MEX3B: variants seen among roughly 807,000 people sequenced by gnomAD.
MEX3B encodes RNA-binding protein MEX3B.
In MEX3B, 10 loss-of-function variants were observed where a neutral mutation model predicts 12.2. The observed-to-expected ratio is 0.82, with a 90% CI of 0.51 to 1.40. MEX3B has a LOEUF of 1.40. Among genes scored for constraint, MEX3B ranks in the 40% most tolerant of loss-of-function variants. The probability of loss-of-function intolerance (pLI) is 0.00; values close to 1 mark genes in which losing one functional copy is unlikely to be tolerated. For synonymous variants in MEX3B, 498 were observed against 356.3 expected (o/e 1.40, Z -4.48); for missense variants, 839 against 801.4 (o/e 1.05, Z -0.57).
rs1021269124 is a variant in MEX3B, at chr15:82,043,060, A to AG, written c.*99dup. On this transcript the variant is annotated 3_prime_UTR_variant, in exon 2 of 2. Transcript: ENST00000329713. Reference sequence around the variant, plus strand: ...GGTGGGGCCGGGAAGGAGAAGGGAGAGGGGGGGCACCCAGGGAGGCAGGCG... The same window carrying AG: ...GGTGGGGCCGGGAAGGAGAAGGGAGAGGGGGGGGCACCCAGGGAGGCAGGCG... The AG allele has an allele frequency of 3.4e-5, 37 of 1,076,340 alleles. No homozygotes were observed. Among genetic ancestry groups the AG allele is most frequent in the South Asian group, 7.6e-5 (3 of 39,316 alleles). The allele number at this position is 1,076,340 out of a possible 1,614,324, so 66.7% of individuals were successfully genotyped here.
At chr15:82,045,146 C>T (rs1342891520) in intron 1 of MEX3B, 5 of 608,072 alleles carry the variant, frequency 8.2e-6, no homozygotes, top group South Asian at 1.9e-5. Flanking sequence ...TGATCAAAGG[C>T]CCCCTCCCCC....
rs1311745009 is a variant in MEX3B, at chr15:82,042,950, T to C, written c.*210A>G. 1 of 420,252 alleles carries C rather than the reference T, an allele frequency of 2.4e-6. No homozygotes were observed. Among genetic ancestry groups the C allele is most frequent in the African/African-American group, 2.0e-5 (1 of 48,976 alleles). 26.0% of individuals were successfully genotyped at this position (420,252 alleles called of 1,614,324 possible). A position where few individuals can be genotyped will look rare whatever the true frequency, so the allele number is the denominator to read the frequency against. On this transcript the variant is annotated 3_prime_UTR_variant, in exon 2 of 2. Coordinates refer to ENST00000329713, the MANE Select transcript of MEX3B (RefSeq NM_032246.6). ...TACAGTACTCTTGATGCAGATATCC[T>C]GGCAAATTCCTTTACTTAAAAATTA...
In MEX3B at chr15:82,042,235, A is replaced by G. The variant is rs1346929920; in HGVS notation, c.*925T>C. 6.6e-6 allele frequency: 1 copy of G among 152,566 alleles called. No homozygotes were observed. The highest frequency in any genetic ancestry group is 1.5e-5 in the Non-Finnish European group (1 of 68,030). 9.5% of individuals were successfully genotyped at this position (152,566 alleles called of 1,614,324 possible). On this transcript the variant is annotated 3_prime_UTR_variant, in exon 2 of 2. Coordinates refer to ENST00000329713, the MANE Select transcript of MEX3B (RefSeq NM_032246.6). The stretch of plus-strand genomic sequence containing the variant: ...AAATATGCTTTATATCACTGAATAG[A>G]AAATATGCTGGGTGAAGCAGATCTA...
intron 1 of MEX3B, 158 bp downstream of exon 1, chr15:82,045,292 C>A (rs1204552352): frequency 2.2e-6 from 2 of 916,620 alleles, no homozygotes; most frequent in South Asian, 2.8e-5. Context: ...CCTGCCTGCA[C>A]TTTCTTTGTC....
rs1438817964 is a variant in MEX3B, at chr15:82,042,878, C to T, written c.*282G>A. The T allele has an allele frequency of 3.3e-6, 1 of 306,296 alleles. No homozygotes were observed. The highest frequency in any genetic ancestry group is 5.9e-6 in the Non-Finnish European group (1 of 168,226). 19.0% of individuals were successfully genotyped at this position (306,296 alleles called of 1,614,324 possible). On this transcript the variant is annotated 3_prime_UTR_variant, in exon 2 of 2. Coordinates refer to ENST00000329713, the MANE Select transcript of MEX3B (RefSeq NM_032246.6). ...CTATCATTACTAGAATGTCGCCGTT[C>T]CTATTATTTATAGAGCATGCATTTC...
In MEX3B at chr15:82,045,597, C is replaced by A; in HGVS notation, c.109G>T (p.Ala37Ser). Reference sequence around the variant, plus strand: ...CCCAGCAGGGAGAGCTGGTCGAGCGCGAGCTGCAGGGCTCTTTGGTCATCC... The same window carrying A: ...CCCAGCAGGGAGAGCTGGTCGAGCGAGAGCTGCAGGGCTCTTTGGTCATCC... ...TLDDQRALQL[A>S]LDQLSLLGLD... Residue 37 changes from alanine to serine, a missense_variant, in exon 1 of 2, where the codon GCG becomes TCG. Physicochemically the swap from Ala to Ser is moderately conservative, Grantham distance 99. Coordinates refer to ENST00000329713, the MANE Select transcript of MEX3B (RefSeq NM_032246.6). The A allele has an allele frequency of 1.2e-6, 2 of 1,609,104 alleles. No homozygotes were observed.
Position 82,044,987 on chromosome 15 carries a change from T to A in MEX3B, c.257-374A>T, listed in dbSNP as rs536004944. The A allele has an allele frequency of 1.4e-5, 8 of 573,560 alleles. No individual in the cohort carries two copies. The highest frequency in any genetic ancestry group is 2.5e-5 in the Non-Finnish European group (8 of 322,794). The allele number at this position is 573,560 out of a possible 1,614,324, so 35.5% of individuals were successfully genotyped here. On this transcript the variant is annotated intron_variant, in intron 1 of 1. Coordinates refer to ENST00000329713, the MANE Select transcript of MEX3B (RefSeq NM_032246.6). The surrounding 1 kb of genome is among the most constrained non-coding windows in gnomAD (Gnocchi z 5.3). ...TCGGGGAAGGCAGCTGAAGTCGCGA[T>A]GCCTCAGCGCTGGTCGACTGGGGGT... is the stretch of plus-strand genomic sequence containing the variant.
In MEX3B at chr15:82,045,973, GCCC is replaced by G. The variant is rs1301392053; in HGVS notation, c.-271_-269del. 5.4e-6 allele frequency: 2 copies of G among 368,910 alleles called. No homozygotes were observed. Among genetic ancestry groups the G allele is most frequent in the Admixed American group, 4.7e-5 (1 of 21,426 alleles). 22.9% of individuals were successfully genotyped at this position (368,910 alleles called of 1,614,324 possible). Reference sequence around the variant, plus strand: ...CAGAGCTCTAGCGGTGGCCGCGCGTGCCCCCCGAGTGCCCGGCTGGCTGGCCGC... The same window carrying G: ...CAGAGCTCTAGCGGTGGCCGCGCGTGCCCGAGTGCCCGGCTGGCTGGCCGC... On this transcript the variant is annotated 5_prime_UTR_variant, in exon 1 of 2. Transcript: ENST00000329713.
chr15:82,045,415 A>ACCCCCCCCCCCCG, intron 1 of MEX3B, 35 bp downstream of exon 1: 3 of 1,530,528 alleles, frequency 2.0e-6, no homozygotes, highest in Non-Finnish European at 1.8e-6. Flanking sequence ...ACCCTACACC[A>ACCCCCCCCCCCCG]CCCCCACCCA....
In MEX3B at chr15:82,043,554, G is replaced by C. The variant is rs867765518; in HGVS notation, c.1316C>G (p.Pro439Arg). 6.5e-7 allele frequency: 1 copy of C among 1,538,684 alleles called. No homozygotes were observed. The highest frequency in any genetic ancestry group is 1.4e-5 in the African/African-American group (1 of 72,478). The change falls in exon 2 of 2, where the codon CCG (proline) becomes CGG (arginine). Residue 439 changes from proline to arginine, a missense_variant. By Grantham distance (103) the Pro-to-Arg change is moderately radical (BLOSUM62 -2). Transcript: ENST00000329713. ...CATGTGCAAGGGTGGAGACAGGCGCGGGCAGCTGGTGCCAGGGTGCAGCCG... is the reference window on the plus strand; with the variant it reads ...CATGTGCAAGGGTGGAGACAGGCGCCGGCAGCTGGTGCCAGGGTGCAGCCG... The part of the protein sequence containing the change: ...HRRLHPGTSC[P>R]RLSPPLHMAP...
Position 82,042,449 on chromosome 15 carries a change from A to G in MEX3B, c.*711T>C, listed in dbSNP as rs995660107. 2 of 152,636 alleles carry G rather than the reference A, an allele frequency of 1.3e-5. No individual in the cohort carries two copies. The highest frequency in any genetic ancestry group is 4.8e-5 in the African/African-American group (2 of 41,462). 9.5% of individuals were successfully genotyped at this position (152,636 alleles called of 1,614,324 possible). On this transcript the variant is annotated 3_prime_UTR_variant, in exon 2 of 2. Transcript: ENST00000329713. ...AAAAAGTTCACTGAACTTAAATTAA[A>G]ATACTTGTAAACATCTTTGCAATAT...
In MEX3B at chr15:82,045,439, C is replaced by T; in HGVS notation, c.256+11G>A. ...CACCCCCACCCACCTCCCCATCCCTCCTCGACCTACCTTGCCGCCCCACGA... is the reference window on the plus strand; with the variant it reads ...CACCCCCACCCACCTCCCCATCCCTTCTCGACCTACCTTGCCGCCCCACGA... On this transcript the variant is annotated intron_variant, in intron 1 of 1. Coordinates refer to ENST00000329713, the MANE Select transcript of MEX3B (RefSeq NM_032246.6). 3.1e-6 allele frequency: 5 copies of T among 1,598,018 alleles called. No individual in the cohort carries two copies. The highest frequency in any genetic ancestry group is 3.4e-6 in the Non-Finnish European group (4 of 1,170,552).
In MEX3B at chr15:82,044,791, G is replaced by C; in HGVS notation, c.257-178C>G. The C allele has an allele frequency of 1.5e-6, 1 of 665,382 alleles. No homozygotes were observed. Among genetic ancestry groups the C allele is most frequent in the Non-Finnish European group, 2.6e-6 (1 of 387,032 alleles). The allele number at this position is 665,382 out of a possible 1,614,324, so 41.2% of individuals were successfully genotyped here. On this transcript the variant is annotated intron_variant, in intron 1 of 1. Transcript: ENST00000329713. The surrounding 1 kb of genome is among the most constrained non-coding windows in gnomAD (Gnocchi z 5.3). ...CTCGGGCCGCGCCACGGGCTGGGCA[G>C]CGGATCCCACCCGCGAGGCGCTCGA...
In MEX3B at chr15:82,044,643, G is replaced by A. The variant is rs1567017649; in HGVS notation, c.257-30C>T. ...GAACCAGGGTGCGGAGGAGGGAGTG[G>A]GAGAGAGAGACAGACACGCCCATTA... is the stretch of plus-strand genomic sequence containing the variant. On this transcript the variant is annotated intron_variant, in intron 1 of 1. Coordinates refer to ENST00000329713, the MANE Select transcript of MEX3B (RefSeq NM_032246.6). The surrounding 1 kb of genome is among the most constrained non-coding windows in gnomAD (Gnocchi z 5.3). The A allele has an allele frequency of 6.8e-6, 11 of 1,610,340 alleles. No individual in the cohort carries two copies. The highest frequency in any genetic ancestry group is 2.2e-5 in the South Asian group (2 of 90,990).
At position 82,044,558 on chromosome 15, in the gene MEX3B, A is replaced by C; in HGVS notation, c.312T>G (p.Val104=). The C allele has an allele frequency of 6.2e-7, 1 of 1,614,100 alleles. No homozygotes were observed. The highest frequency in any genetic ancestry group is 1.1e-5 in the South Asian group (1 of 91,074). The change falls in exon 2 of 2, where the codon GTT becomes GTG. Residue 104 remains valine, a synonymous_variant. Transcript: ENST00000329713. The surrounding 1 kb of genome is among the most constrained non-coding windows in gnomAD (Gnocchi z 5.3). ...AKTNTYIKTP[V]RGEEPVFVVT... ...CAACAAAGACAGGCTCCTCCCCGCG[A>C]ACTGGGGTCTTGATGTAAGTATTGG... is the stretch of plus-strand genomic sequence containing the variant.
rs781099025 is a variant in MEX3B, at chr15:82,045,616, G to A, written c.90C>T (p.Asp30=). Residue 30 remains aspartate (D), a synonymous_variant, in exon 1 of 2, where the codon GAC becomes GAT. Transcript: ENST00000329713. The stretch of plus-strand genomic sequence containing the variant: ...CGAGCGCGAGCTGCAGGGCTCTTTG[G>A]TCATCCAGGGTCTCTCCCCCTCCGC... ...GSSGGGETLD[D]QRALQLALDQ... 4.4e-6 allele frequency: 7 copies of A among 1,603,062 alleles called. No individual in the cohort carries two copies. Among genetic ancestry groups the A allele is most frequent in the Non-Finnish European group, 5.9e-6 (7 of 1,177,554 alleles).
Position 82,043,644 on chromosome 15 carries a change from A to T in MEX3B, c.1226T>A (p.Val409Glu), listed in dbSNP as rs1217557748. ...SASSSASSSSVVFPGGGASAP... is the reference protein window; with the variant it reads ...SASSSASSSSEVFPGGGASAP... ...ACTGGCGCCACCCCCGGGGAAGACC[A>T]CGGAGGAGGAAGAAGCAGACGAAGA... Residue 409 changes from valine to glutamate, a missense_variant, in exon 2 of 2, where the codon GTG becomes GAG. This residue lies in a region of MEX3B where 573 missense variants were observed against 488.9 expected (regional missense o/e 1.17). Transcript: ENST00000329713. 1 of 1,609,382 alleles carries T rather than the reference A, an allele frequency of 6.2e-7. No individual in the cohort carries two copies. Among genetic ancestry groups the T allele is most frequent in the Non-Finnish European group, 8.5e-7 (1 of 1,178,100 alleles).
Position 82,045,460 on chromosome 15 carries a change from C to G in MEX3B, c.246G>C (p.Val82=). 1 of 1,611,404 alleles carries G rather than the reference C, an allele frequency of 6.2e-7. No homozygotes were observed. Among genetic ancestry groups the G allele is most frequent in the Non-Finnish European group, 8.5e-7 (1 of 1,179,724 alleles). ...VPSSEHVAEI[V]GRQGCKIKAL... is the part of the protein sequence containing the mutation. The stretch of plus-strand genomic sequence containing the variant: ...CCCTCCTCGACCTACCTTGCCGCCC[C>G]ACGATCTCGGCGACATGCTCAGAAC... Residue 82 remains valine, a synonymous_variant, in exon 1 of 2, where the codon GTG becomes GTC. Coordinates refer to ENST00000329713, the MANE Select transcript of MEX3B (RefSeq NM_032246.6).
In MEX3B at chr15:82,043,350, G is replaced by A. The variant is rs761668555; in HGVS notation, c.1520C>T (p.Ser507Phe). Reference sequence around the variant, plus strand: ...GCTGCCTTTACGCCGAAGCCCGGAGGAAGAGGATGAAGAGCTGGAGGAGGA... The same window carrying A: ...GCTGCCTTTACGCCGAAGCCCGGAGAAAGAGGATGAAGAGCTGGAGGAGGA... ...SSSSSSSSSS[S>F]SGLRRKGSRD... is the part of the protein sequence containing the mutation. Residue 507 changes from serine (S) to phenylalanine (F), a missense_variant, in exon 2 of 2, where the codon TCC becomes TTC. Around this residue, in one of 3 missense-constraint regions of MEX3B, gnomAD observed 573 missense variants for 488.9 expected, o/e 1.17. Transcript: ENST00000329713. 28 of 1,592,060 alleles carry A rather than the reference G, an allele frequency of 1.8e-5. No individual in the cohort carries two copies. Among genetic ancestry groups the A allele is most frequent in the South Asian group, 6.9e-5 (6 of 87,304 alleles).
Sources: allele counts gnomAD v4.1 joint callset, GRCh38; gene constraint gnomAD v4.1.1; regional missense constraint gnomAD v4.1.1; non-coding constraint Gnocchi (gnomAD v3.1); transcripts MANE v1.5; gene names NCBI Gene and HGNC (gene_info 2026-07-23, HGNC 2026-07-21).